Variants in MID2 observed in about 807,000 individuals in gnomAD.
MID2 encodes the protein midline 2.
In MID2, 13 loss-of-function variants were observed where a neutral mutation model predicts 46.1. The ratio of observed to expected loss-of-function variants is 0.28; its 90% confidence interval spans 0.18 to 0.45. The LOEUF is 0.45. Among genes scored for constraint, MID2 ranks in the 20% least tolerant of loss-of-function variants. The pLI is 1.00. For synonymous variants in MID2, 199 were observed against 212.3 expected (o/e 0.94, Z 0.55); for missense variants, 431 against 575.4 (o/e 0.75, Z 2.57).
intron 2 of MID2, among the ~76,000 whole-genome samples, chrX:107,843,608 G>A (rs1485909306): frequency 9.0e-6 from 1 of 111,314 alleles, no homozygotes; most frequent in African/African-American, 3.3e-5. Context: ...TGTGTGGTTC[G>A]TTATGTTGTC....
Position 107,928,364 on chromosome X carries a change from A to G in MID2, c.*1291A>G, listed in dbSNP as rs949079921. Among the ~76,000 whole-genome samples the G allele has an allele frequency of 1.1e-4, 12 of 111,222 alleles. No individual in the cohort carries two copies. Among genetic ancestry groups the G allele is most frequent in the Non-Finnish European group, 2.3e-4 (12 of 52,943 alleles). On this transcript the variant is annotated 3_prime_UTR_variant, in exon 10 of 10. Coordinates refer to ENST00000262843, the MANE Select transcript of MID2 (RefSeq NM_012216.4). The stretch of plus-strand genomic sequence containing the variant: ...GGAGACAAACTTCATCCCAGTCCTA[A>G]CCAGTATAGTTGAAGGGAATGGAGC...
intron 3 of MID2, among the ~76,000 whole-genome samples, chrX:107,874,054 A>G (rs948661354): frequency 8.9e-6 from 1 of 112,475 alleles, no homozygotes; most frequent in Non-Finnish European, 1.9e-5. Flanking sequence ...TAACTATTGC[A>G]TACCTTGCCT....
intron 5 of MID2, among the ~76,000 whole-genome samples, chrX:107,908,995 G>C (rs1008190197): frequency 8.9e-6 from 1 of 111,926 alleles, no homozygotes; most frequent in African/African-American, 3.3e-5. Context: ...TCAATTGGTT[G>C]CCTTTTCTTC....
intron 3 of MID2, among the ~76,000 whole-genome samples, chrX:107,903,128 C>G (rs1332623874): frequency 9.0e-6 from 1 of 111,497 alleles, no homozygotes; most frequent in Non-Finnish European, 1.9e-5. Context: ...AATAATTTAC[C>G]TATGAAGTGC....
intron 2 of MID2, among the ~76,000 whole-genome samples, chrX:107,849,488 A>AC (rs1384621212): frequency 5.4e-5 from 6 of 110,329 alleles, no homozygotes; most frequent in Non-Finnish European, 7.6e-5. Flanking sequence ...AAAAAAAAAA[A>AC]CCAGCAATTA....
chrX:107,894,441 T>C (rs1463602187), intron 3 of MID2, among the ~76,000 whole-genome samples: 1 of 111,916 alleles, frequency 8.9e-6, no homozygotes, highest in Admixed American at 9.5e-5. Flanking sequence ...CCTAGAGGTG[T>C]TGTTATTCCA....
intron 1 of MID2, 73 bp from the exon 2 acceptor site, chrX:107,840,597 G>T: frequency 1.2e-6 from 1 of 844,304 alleles, no homozygotes; most frequent in South Asian, 2.4e-5. Flanking sequence ...GCGCCCATTG[G>T]TTAGTGTATA....
In MID2 at chrX:107,841,027, G is replaced by A. The variant is rs147886536; in HGVS notation, c.362G>A (p.Arg121His). 20 of 1,209,089 alleles carry A rather than the reference G, an allele frequency of 1.7e-5. No individual in the cohort carries two copies. Among genetic ancestry groups the A allele is most frequent in the Non-Finnish European group, 1.9e-5 (17 of 894,988 alleles). The change falls in exon 2 of 10, where the codon CGC (arginine) becomes CAC (histidine). Residue 121 changes from arginine to histidine, a missense_variant. Physicochemically the swap from Arg to His is conservative, Grantham distance 29. Coordinates refer to ENST00000262843, the MANE Select transcript of MID2 (RefSeq NM_012216.4). ...GGGCCCAATTCCCCTAGTGAGAGCC[G>A]CCGGGAAAGGACTTACAGGCCCACC... ...VSGPNSPSES[R>H]RERTYRPTTA...
chrX:107,867,142 G>GT (rs1208947385), intron 3 of MID2, among the ~76,000 whole-genome samples: 1 of 111,267 alleles, frequency 9.0e-6, no homozygotes, highest in Non-Finnish European at 1.9e-5. Context: ...AGTGTTTTTT[G>GT]TTTTTTGTTT....
In MID2 at chrX:107,927,143, C is replaced by T. The variant is rs755514886; in HGVS notation, c.*70C>T. On this transcript the variant is annotated 3_prime_UTR_variant, in exon 10 of 10. Transcript: ENST00000262843. ...TCTTCCCCTCCTACACCTAAGTTAG[C>T]GTTCAATATACGAGACACAAAATAA... 1.7e-5 allele frequency: 16 copies of T among 947,720 alleles called. No individual in the cohort carries two copies. In the African/African-American group the frequency reaches 2.0e-4, roughly 12 times the overall value. 78.1% of individuals were successfully genotyped at this position (947,720 alleles called of 1,213,427 possible).
At chrX:107,906,704 G>T (rs1932838628) in intron 5 of MID2, among the ~76,000 whole-genome samples, 1 of 111,615 alleles carries the variant, frequency 9.0e-6, no homozygotes, top group Non-Finnish European at 1.9e-5. Flanking sequence ...TCCTGACTTA[G>T]CCTCCCAAGT....
chrX:107,889,447 C>T (rs1932544974), intron 3 of MID2, among the ~76,000 whole-genome samples: 1 of 111,542 alleles, frequency 9.0e-6, no homozygotes, highest in African/African-American at 3.3e-5. Context: ...TGAATATTGG[C>T]CCCCACTCTC....
In MID2 at chrX:107,826,389, C is replaced by G. The variant is rs1930944310; in HGVS notation, c.-38C>G. On this transcript the variant is annotated 5_prime_UTR_variant, in exon 1 of 10. Transcript: ENST00000262843. Reference sequence around the variant, plus strand: ...GAGGCAGACGAGAGCCCAGCGCCCTCGAGCGAGCGGAGGAGATGGCTGGCA... The same window carrying G: ...GAGGCAGACGAGAGCCCAGCGCCCTGGAGCGAGCGGAGGAGATGGCTGGCA... 2.7e-6 allele frequency: 3 copies of G among 1,130,748 alleles called. No individual in the cohort carries two copies. The highest frequency in any genetic ancestry group is 2.0e-5 in the South Asian group (1 of 50,003). The allele number at this position is 1,130,748 out of a possible 1,213,427, so 93.2% of individuals were successfully genotyped here.
chrX:107,866,956 G>A (rs892262865), intron 3 of MID2, among the ~76,000 whole-genome samples: 1 of 111,746 alleles, frequency 8.9e-6, no homozygotes, highest in African/African-American at 3.3e-5. Context: ...TTCAGATGAG[G>A]AAACTCAGAT....
intron 2 of MID2, among the ~76,000 whole-genome samples, chrX:107,851,718 A>T (rs1402434378): frequency 9.0e-6 from 1 of 111,294 alleles, no homozygotes; most frequent in African/African-American, 3.3e-5. Context: ...CTCCTTATCT[A>T]GGCACTTAAG....
chrX:107,836,516 G>A (rs1403075863), intron 1 of MID2, among the ~76,000 whole-genome samples: 1 of 109,930 alleles, frequency 9.1e-6, no homozygotes, highest in East Asian at 2.8e-4. Context: ...CTCTCAAAGT[G>A]TTGGGATTAT....
Position 107,905,635 on chromosome X carries a change from C to G in MID2, c.1073+9C>G, listed in dbSNP as rs1214008088. ...AAAAATATTGCTGAGAGGTCAGTTCCTTATATTCTTTGGAAATGCCTGCTC... is the reference window on the plus strand; with the variant it reads ...AAAAATATTGCTGAGAGGTCAGTTCGTTATATTCTTTGGAAATGCCTGCTC... On this transcript the variant is annotated intron_variant, in intron 5 of 9. Coordinates refer to ENST00000262843, the MANE Select transcript of MID2 (RefSeq NM_012216.4). 8.6e-7 allele frequency: 1 copy of G among 1,164,576 alleles called. No homozygotes were observed. Among genetic ancestry groups the G allele is most frequent in the East Asian group, 3.1e-5 (1 of 32,763 alleles).
At chrX:107,915,977 A>G (rs1478545164) in intron 5 of MID2, 25 bp from the exon 6 acceptor site, 2 of 1,192,575 alleles carry the variant, frequency 1.7e-6, no homozygotes, top group Admixed American at 4.7e-5. Flanking sequence ...TTTGATGTAT[A>G]TTGATGTACT....
chrX:107,836,935 G>A (rs1177783218), intron 1 of MID2, among the ~76,000 whole-genome samples: 1 of 112,125 alleles, frequency 8.9e-6, no homozygotes, highest in Non-Finnish European at 1.9e-5. Flanking sequence ...TTATTTTAGA[G>A]TACTAATGAT....
Sources: allele counts gnomAD v4.1 joint callset (sites outside exome capture counted in the v4.1 genomes callset), GRCh38; gene constraint gnomAD v4.1.1; transcripts MANE v1.5; gene names NCBI Gene and HGNC (gene_info 2026-07-23, HGNC 2026-07-21).